Variants in DPH7 observed in about 807,000 individuals in gnomAD.
DPH7 encodes the protein diphthine methyltransferase.
Under a neutral mutation model 41.7 loss-of-function variants are expected in DPH7, and 44 were observed. The observed-to-expected ratio is 1.05, with a 90% confidence interval of 0.83 to 1.36. The LOEUF is 1.36. Among genes scored for constraint, DPH7 ranks in the 40% most tolerant of loss-of-function variants. DPH7 has a pLI of 0.00. For missense variants in DPH7, 629 were observed against 577.5 expected, an observed-to-expected ratio of 1.09 and a Z score of -0.91; for synonymous variants, 275 against 238.0, an observed-to-expected ratio of 1.16 and a Z score of -1.43.
chr9:137,561,793 GA>G (rs879349819), intron 8 of DPH7, among the ~76,000 whole-genome samples: 1 of 152,160 alleles, frequency 6.6e-6, no homozygotes, highest in Non-Finnish European at 1.5e-5. Context: ...CAAAATACGT[GA>G]AGTAAAAACT....
In DPH7 at chr9:137,565,073, T is replaced by C; in HGVS notation, c.710+12A>G. ...TGGTGTGGGCACCGAGTGCTGGCCC[T>C]TGGGCAGTTACCTTTTGCTGGTGAA... On this transcript the variant is annotated intron_variant, in intron 6 of 8. Coordinates refer to ENST00000277540, the MANE Select transcript of DPH7 (RefSeq NM_138778.5). 6.2e-7 allele frequency: 1 copy of C among 1,613,986 alleles called. No homozygotes were observed.
chr9:137,578,482 A>G, intron 1 of DPH7, 143 bp downstream of exon 1: 1 of 1,060,254 alleles, frequency 9.4e-7, no homozygotes, highest in Non-Finnish European at 1.3e-6. Flanking sequence ...AATTTTTTTA[A>G]AAAGATTCTA....
At chr9:137,571,768 A>G (rs1242543185) in intron 5 of DPH7, among the ~76,000 whole-genome samples, 1 of 152,138 alleles carries the variant, frequency 6.6e-6, no homozygotes, top group African/African-American at 2.4e-5. Flanking sequence ...AGCCTGGGCA[A>G]TAAGAGCGAA....
At chr9:137,573,863 A>G (rs910647859) in intron 5 of DPH7, among the ~76,000 whole-genome samples, 23 of 151,904 alleles carry the variant, frequency 1.5e-4, no homozygotes, top group Admixed American at 1.5e-3. Flanking sequence ...GTCAGGAGAT[A>G]GAGACCAGCC....
intron 5 of DPH7, among the ~76,000 whole-genome samples, chr9:137,568,618 TGGA>T (rs1461441510): frequency 1.3e-5 from 2 of 152,144 alleles, no homozygotes; most frequent in Non-Finnish European, 2.9e-5. Flanking sequence ...GTGACTTTGC[TGGA>T]GGAGTCTTAG....
intron 5 of DPH7, among the ~76,000 whole-genome samples, chr9:137,570,306 G>C (rs947572748): frequency 6.6e-6 from 1 of 152,220 alleles, no homozygotes; most frequent in African/African-American, 2.4e-5. Context: ...CCATTCTGTG[G>C]CAAATTTGTA....
intron 8 of DPH7, among the ~76,000 whole-genome samples, chr9:137,559,379 A>C (rs1190203959): frequency 6.6e-6 from 1 of 152,016 alleles, no homozygotes; most frequent in African/African-American, 2.4e-5. Flanking sequence ...TGTGAAGGAA[A>C]AACACCCGCT....
At chr9:137,573,157 C>T (rs1840739376) in intron 5 of DPH7, among the ~76,000 whole-genome samples, 1 of 151,522 alleles carries the variant, frequency 6.6e-6, no homozygotes, top group South Asian at 2.1e-4. Flanking sequence ...GTCAGGAGAT[C>T]AAGACCACCC....
At position 137,555,360 on chromosome 9, in the gene DPH7, G is replaced by A. The variant is rs1328926894; in HGVS notation, c.1238C>T (p.Thr413Ile). The A allele has an allele frequency of 1.9e-6, 3 of 1,614,200 alleles. No homozygotes were observed. Among genetic ancestry groups the A allele is most frequent in the South Asian group, 2.2e-5 (2 of 91,090 alleles). Residue 413 changes from threonine (T) to isoleucine (I), a missense_variant, in exon 9 of 9, where the codon ACA becomes ATA. Transcript: ENST00000277540. ...MRKNGTWLQATAATTRDCGVN... is the reference protein window; with the variant it reads ...MRKNGTWLQAIAATTRDCGVN... ...GCCACAGTCACGTGTGGTGGCTGCT[G>A]TAGCCTGCAGCCAGGTGCCATTCTT... is the stretch of plus-strand genomic sequence containing the variant.
intron 8 of DPH7, among the ~76,000 whole-genome samples, chr9:137,559,773 TCA>T (rs1439829091): frequency 6.6e-6 from 1 of 152,222 alleles, no homozygotes; most frequent in Non-Finnish European, 1.5e-5. Context: ...TGGAGATGAC[TCA>T]CACTCTTTAC....
intron 3 of DPH7, chr9:137,575,222 C>A: frequency 9.9e-7 from 1 of 1,006,562 alleles, no homozygotes. Context: ...GCCACTGGAA[C>A]ACTCGCCTCC....
chr9:137,555,750 G>C, intron 8 of DPH7, 102 bp from the exon 9 acceptor site: 2 of 1,332,100 alleles, frequency 1.5e-6, no homozygotes, highest in Non-Finnish European at 2.0e-6. Context: ...GCCCCTCACA[G>C]GTCAGCAAGT....
chr9:137,567,599 CT>C (rs1839701427), intron 5 of DPH7, among the ~76,000 whole-genome samples: 2 of 3,292 alleles, frequency 6.1e-4, no homozygotes, highest in Non-Finnish European at 1.0e-3. Flanking sequence ...GGAAGCTCCC[CT>C]GGGTGACTCT....
rs1179690379 is a variant in DPH7, at chr9:137,556,006, T to A, written c.950-358A>T. Among the ~76,000 whole-genome samples, 1 of 152,068 alleles carries A rather than the reference T, an allele frequency of 6.6e-6. No individual in the cohort carries two copies. The highest frequency in any genetic ancestry group is 1.5e-5 in the Non-Finnish European group (1 of 68,020). ...TAGCCAGCTGGGAAGGAAGGGGATG[T>A]CTGAGGAACAGGCAGCATGTGTACA... On this transcript the variant is annotated intron_variant, in intron 8 of 8. Transcript: ENST00000277540. This position sits in a 1 kb window ranked among gnomAD's most constrained non-coding sequence, Gnocchi z 5.2.
intron 1 of DPH7, 23 bp downstream of exon 1, chr9:137,578,602 T>C (rs1403389894): frequency 6.8e-4 from 484 of 709,276 alleles, no homozygotes; most frequent in Non-Finnish European, 8.7e-4. Flanking sequence ...CGCCCTCCCC[T>C]CCCGAAGCCG....
At chr9:137,577,442 A>G (rs756720764) in intron 2 of DPH7, 28 bp downstream of exon 2, 1 of 1,608,044 alleles carries the variant, frequency 6.2e-7, no homozygotes, top group Non-Finnish European at 8.5e-7. Flanking sequence ...GACAAATTCT[A>G]CACCCAGTGG....
chr9:137,578,350 T>C (rs1266070399), intron 1 of DPH7, among the ~76,000 whole-genome samples: 1 of 152,226 alleles, frequency 6.6e-6, no homozygotes, highest in African/African-American at 2.4e-5. Flanking sequence ...ATTTTTTTAG[T>C]AGAGACGGGG....
intron 5 of DPH7, among the ~76,000 whole-genome samples, chr9:137,569,757 A>AT (rs1840085394): frequency 8.8e-6 from 1 of 113,660 alleles, no homozygotes; most frequent in African/African-American, 3.5e-5. Flanking sequence ...CATCCATCCA[A>AT]CAATCCACCA....
At position 137,555,089 on chromosome 9, in the gene DPH7, G is replaced by A. The variant is rs1236666345; in HGVS notation, c.*150C>T. The stretch of plus-strand genomic sequence containing the variant: ...CAGCAGGGAAGCTGATTTAAGAGAA[G>A]TCAACAGCTTTTCTGACTACACTGT... On this transcript the variant is annotated 3_prime_UTR_variant, in exon 9 of 9. Transcript: ENST00000277540. 9.2e-6 allele frequency: 9 copies of A among 982,262 alleles called. No individual in the cohort carries two copies. The highest frequency in any genetic ancestry group is 1.1e-5 in the Non-Finnish European group (8 of 713,038). The allele number at this position is 982,262 out of a possible 1,614,324, so 60.8% of individuals were successfully genotyped here. A position where few individuals can be genotyped will look rare whatever the true frequency, so the allele number is the denominator to read the frequency against.
Sources: gnomAD v4.1 joint callset for allele counts (sites outside exome capture counted in the v4.1 genomes callset) on GRCh38, gnomAD v4.1.1 for gene constraint, Gnocchi (gnomAD v3.1) non-coding constraint, MANE v1.5 for transcripts, NCBI Gene and HGNC (gene_info 2026-07-23, HGNC 2026-07-21) for gene names.